Variants in AFG2A observed in about 807,000 individuals in gnomAD.
AFG2A encodes the protein AAA ATPase AFG2A.
the AFG2A span, among the ~76,000 whole-genome samples, chr4:122,964,431 G>A: frequency 1.3e-5 from 2 of 151,620 alleles, no homozygotes; most frequent in African/African-American, 4.9e-5. Context: ...TTGAACCCAG[G>A]AGGAGGAAGT....
At chr4:123,196,946 T>C in the AFG2A span, among the ~76,000 whole-genome samples, 1 of 152,236 alleles carries the variant, frequency 6.6e-6, no homozygotes, top group Non-Finnish European at 1.5e-5. Flanking sequence ...AATGATGTCC[T>C]TCAGTTCAAA....
chr4:123,263,328 T>C, the AFG2A span, among the ~76,000 whole-genome samples: 2 of 152,196 alleles, frequency 1.3e-5, no homozygotes, highest in Non-Finnish European at 2.9e-5. Context: ...AGCCCCTATT[T>C]GCCCCCCTTG....
At chr4:123,292,137 T>C in the AFG2A span, among the ~76,000 whole-genome samples, 1 of 152,214 alleles carries the variant, frequency 6.6e-6, no homozygotes, top group Admixed American at 6.5e-5. Context: ...TGACATCCTT[T>C]CTTCTACTTG....
chr4:123,213,900 T>G, the AFG2A span, among the ~76,000 whole-genome samples: 1 of 152,300 alleles, frequency 6.6e-6, no homozygotes, highest in Non-Finnish European at 1.5e-5. Flanking sequence ...ACATTAAACT[T>G]AAGTAAGTCT....
the AFG2A span, among the ~76,000 whole-genome samples, chr4:122,980,404 C>T: frequency 2.0e-5 from 3 of 152,156 alleles, no homozygotes; most frequent in Non-Finnish European, 4.4e-5. Flanking sequence ...CTCTGTTCAT[C>T]TGTTGAGGGA....
the AFG2A span, among the ~76,000 whole-genome samples, chr4:123,177,087 AT>A: frequency 6.6e-6 from 1 of 152,074 alleles, no homozygotes; most frequent in African/African-American, 2.4e-5. Context: ...AACCAAGTTT[AT>A]TATATCTTAA....
chr4:123,076,617 G>T, the AFG2A span, among the ~76,000 whole-genome samples: 1 of 150,130 alleles, frequency 6.7e-6, no homozygotes, highest in African/African-American at 2.5e-5. Context: ...GGGGTGGGGG[G>T]TGATAAACAA....
At chr4:123,090,589 G>T in the AFG2A span, 4 of 1,614,016 alleles carry the variant, frequency 2.5e-6, no homozygotes, top group Non-Finnish European at 3.4e-6. Flanking sequence ...TTCTTTAGGT[G>T]CTGGGAATGT....
At chr4:123,074,499 T>G in the AFG2A span, among the ~76,000 whole-genome samples, 2 of 151,780 alleles carry the variant, frequency 1.3e-5, no homozygotes, top group African/African-American at 4.8e-5. Flanking sequence ...TAGTAACCAG[T>G]CTTCCATTTT....
chr4:123,242,851 C>G, the AFG2A span, among the ~76,000 whole-genome samples: 1 of 152,114 alleles, frequency 6.6e-6, no homozygotes, highest in Admixed American at 6.5e-5. Context: ...ATCTACCCAT[C>G]TGACAAAGGG....
the AFG2A span, among the ~76,000 whole-genome samples, chr4:123,233,779 A>G: frequency 6.6e-6 from 1 of 151,920 alleles, no homozygotes; most frequent in South Asian, 2.1e-4. Context: ...ATGTATACAT[A>G]TATACCTCAG....
the AFG2A span, among the ~76,000 whole-genome samples, chr4:123,181,984 A>G: frequency 1.3e-5 from 2 of 152,196 alleles, no homozygotes; most frequent in African/African-American, 2.4e-5. Flanking sequence ...AGTGTCAGAA[A>G]GTCTGAATTT....
At chr4:122,972,118 G>A in the AFG2A span, among the ~76,000 whole-genome samples, 1 of 152,084 alleles carries the variant, frequency 6.6e-6, no homozygotes, top group Non-Finnish European at 1.5e-5. Flanking sequence ...ACATTTATCA[G>A]TGAAGCCATC....
At chr4:123,175,596 A>G in the AFG2A span, among the ~76,000 whole-genome samples, 2 of 152,330 alleles carry the variant, frequency 1.3e-5, no homozygotes, top group African/African-American at 4.8e-5. Flanking sequence ...TCCTTTGTAA[A>G]AGTAAATATG....
At chr4:123,235,816 T>C in the AFG2A span, among the ~76,000 whole-genome samples, 6 of 152,346 alleles carry the variant, frequency 3.9e-5, no homozygotes, top group East Asian at 1.2e-3. Context: ...ACTGGGCTTT[T>C]CTAATAGATT....
chr4:123,211,743 C>T, the AFG2A span, among the ~76,000 whole-genome samples: 1 of 152,052 alleles, frequency 6.6e-6, no homozygotes, highest in South Asian at 2.1e-4. Flanking sequence ...CATTACCTTA[C>T]ATCACTAGAA....
At chr4:123,285,977 T>C in the AFG2A span, among the ~76,000 whole-genome samples, 6 of 152,290 alleles carry the variant, frequency 3.9e-5, no homozygotes, top group South Asian at 1.2e-3. Context: ...TATAATTATT[T>C]CCACAGCAGC....
chr4:123,015,493 G>C, the AFG2A span, among the ~76,000 whole-genome samples: 1 of 151,796 alleles, frequency 6.6e-6, no homozygotes, highest in East Asian at 1.9e-4. Context: ...GAGAGCACAG[G>C]GTTGGGGGTA....
chr4:123,124,966 T>A, the AFG2A span, among the ~76,000 whole-genome samples: 2 of 152,212 alleles, frequency 1.3e-5, no homozygotes, highest in Non-Finnish European at 2.9e-5. Flanking sequence ...CCAGGAAACA[T>A]ATTACTTTTC....
Sources: gnomAD v4.1 joint callset for allele counts (sites outside exome capture counted in the v4.1 genomes callset) on GRCh38, gnomAD v4.1.1 for gene constraint, MANE v1.5 for transcripts, NCBI Gene and HGNC (gene_info 2026-07-23, HGNC 2026-07-21) for gene names.